The following L2HGDH variants were observed in gnomAD, a reference collection of about 807,000 sequenced individuals.
The protein encoded by L2HGDH is L-2-hydroxyglutarate dehydrogenase, mitochondrial.
Under a neutral mutation model 51.5 loss-of-function variants are expected in L2HGDH, and 34 were observed. That is an observed-to-expected ratio of 0.66 (90% CI 0.50 to 0.88). The LOEUF is 0.88. L2HGDH is among the 40% of genes least tolerant of loss of function. The pLI is 0.00. For synonymous variants in L2HGDH, 198 were observed against 197.9 expected (o/e 1.00, Z -0.01); for missense variants, 558 against 571.9 (o/e 0.98, Z 0.25).
At chr14:50,269,512 GATAGTGGC>G (rs962502442) in intron 6 of L2HGDH, among the ~76,000 whole-genome samples, 182 bp from the exon 7 acceptor site, 5 of 152,280 alleles carry the variant, frequency 3.3e-5, no homozygotes, top group African/African-American at 9.6e-5. Flanking sequence ...AGAAACTTAG[GATAGTGGC>G]ATGTAAGAGG....
rs145861442 is a variant in L2HGDH, at chr14:50,287,199, A to G, written c.541-3166T>C. ...TCCAAGGACCTGTGATGGTCACCTC[A>G]TCAGGTACAGAGAACAATATCCAGA... On this transcript the variant is annotated intron_variant, in intron 4 of 9. Coordinates refer to ENST00000267436, the MANE Select transcript of L2HGDH (RefSeq NM_024884.3). 2,323 of 985,272 alleles carry G rather than the reference A, an allele frequency of 2.4e-3. 8 individuals carry two copies. The Middle Eastern group carries it at 0.025, about 10-fold the overall frequency. 61.0% of individuals were successfully genotyped at this position (985,272 alleles called of 1,614,324 possible).
intron 3 of L2HGDH, among the ~76,000 whole-genome samples, chr14:50,296,016 G>A (rs1379995080): frequency 2.0e-5 from 3 of 151,950 alleles, no homozygotes; most frequent in Non-Finnish European, 4.4e-5. Context: ...TGGGATTACA[G>A]GCGTGAGCCA....
Position 50,265,394 on chromosome 14 carries a change from T to A in L2HGDH, c.1160A>T (p.Lys387Ile), listed in dbSNP as rs1481231615. Residue 387 changes from lysine (K) to isoleucine (I), a missense_variant, in exon 9 of 10, where the codon AAA becomes ATA. Lys to Ile is a moderately radical substitution (Grantham distance 102). Coordinates refer to ENST00000267436, the MANE Select transcript of L2HGDH (RefSeq NM_024884.3). Reference sequence around the variant, plus strand: ...ACTGATAGTAATTTCAGGGATGAATTTTTGAAGATACTTCACTGTTGCACC... The same window carrying A: ...ACTGATAGTAATTTCAGGGATGAATATTTGAAGATACTTCACTGTTGCACC... The part of the protein sequence containing the change: ...FLGATVKYLQ[K>I]FIPEITISDI... 2 of 1,612,510 alleles carry A rather than the reference T, an allele frequency of 1.2e-6. No homozygotes were observed. Among genetic ancestry groups the A allele is most frequent in the Non-Finnish European group, 1.7e-6 (2 of 1,178,584 alleles).
At chr14:50,272,774 A>G (rs770967008) in intron 6 of L2HGDH, among the ~76,000 whole-genome samples, 7 of 152,198 alleles carry the variant, frequency 4.6e-5, no homozygotes, top group Non-Finnish European at 8.8e-5. Context: ...TTGAAGAGGC[A>G]AGTGGTTCAA....
chr14:50,285,445 CTTCT>C (rs1425979208), intron 4 of L2HGDH, among the ~76,000 whole-genome samples: 2 of 152,170 alleles, frequency 1.3e-5, no homozygotes, highest in Non-Finnish European at 2.9e-5. Context: ...GAAATCATTC[CTTCT>C]GTTTTGATAC....
At chr14:50,290,672 A>AT (rs1003262959) in intron 4 of L2HGDH, among the ~76,000 whole-genome samples, 29 of 149,614 alleles carry the variant, frequency 1.9e-4, no homozygotes, top group Admixed American at 1.3e-3. Flanking sequence ...AATTTCATAT[A>AT]TTTTTTTTTG....
intron 9 of L2HGDH, among the ~76,000 whole-genome samples, chr14:50,247,887 T>C (rs541662169): frequency 6.6e-6 from 1 of 152,122 alleles, no homozygotes; most frequent in Non-Finnish European, 1.5e-5. Context: ...GTTAATAAAA[T>C]GAGAGTCTTT....
At chr14:50,252,080 T>C (rs1888390080) in intron 9 of L2HGDH, among the ~76,000 whole-genome samples, 1 of 149,524 alleles carries the variant, frequency 6.7e-6, no homozygotes, top group South Asian at 2.1e-4. Context: ...ACACAGACAG[T>C]ACAATAAGAT....
At chr14:50,254,836 T>A (rs949308231) in intron 9 of L2HGDH, among the ~76,000 whole-genome samples, 1 of 151,718 alleles carries the variant, frequency 6.6e-6, no homozygotes. Flanking sequence ...CACAGGAGTT[T>A]GAGACCAGCC....
Position 50,245,791 on chromosome 14 carries a change from C to T in L2HGDH, c.*1267G>A, listed in dbSNP as rs1014504067. 2 of 985,244 alleles carry T rather than the reference C, an allele frequency of 2.0e-6. No individual in the cohort carries two copies. Among genetic ancestry groups the T allele is most frequent in the Non-Finnish European group, 2.4e-6 (2 of 829,916 alleles). 61.0% of individuals were successfully genotyped at this position (985,244 alleles called of 1,614,324 possible). A position where few individuals can be genotyped will look rare whatever the true frequency, so the allele number is the denominator to read the frequency against. On this transcript the variant is annotated 3_prime_UTR_variant, in exon 10 of 10. Transcript: ENST00000267436. ...AAACTCTTAAAAAGCCAAATCTTCT[C>T]TAGGTCATGGTTGGTAAGGACAGGT...
rs1341392772 is a variant in L2HGDH, at chr14:50,302,114, T to C, written c.311A>G (p.Lys104Arg). 6.2e-7 allele frequency: 1 copy of C among 1,613,940 alleles called. No individual in the cohort carries two copies. Among genetic ancestry groups the C allele is most frequent in the African/African-American group, 1.3e-5 (1 of 74,874 alleles). ...TAATTTGGCTTTCAGAGACTCAGGT[T>C]TATAATAAATTCCACTATGTATGAC... ...SGVIHSGIYY[K>R]PESLKAKLCV... The change falls in exon 3 of 10, where the codon AAA becomes AGA. Residue 104 changes from lysine (K) to arginine (R), a missense_variant. Coordinates refer to ENST00000267436, the MANE Select transcript of L2HGDH (RefSeq NM_024884.3).
chr14:50,266,007 A>C (rs535504304), intron 8 of L2HGDH, among the ~76,000 whole-genome samples: 19 of 152,132 alleles, frequency 1.2e-4, no homozygotes, highest in Admixed American at 6.5e-4. Flanking sequence ...AGAGCTGGGC[A>C]TGGTGGTGTG....
intron 9 of L2HGDH, among the ~76,000 whole-genome samples, chr14:50,251,591 G>T (rs1888355042): frequency 6.6e-6 from 1 of 151,948 alleles, no homozygotes. Flanking sequence ...ACTCCCAAAG[G>T]TCAAGGATAA....
chr14:50,301,835 T>G (rs1238683167), intron 3 of L2HGDH, among the ~76,000 whole-genome samples, 182 bp downstream of exon 3: 2 of 152,192 alleles, frequency 1.3e-5, no homozygotes, highest in African/African-American at 4.8e-5. Flanking sequence ...TATATGTCAA[T>G]AAAACTTTTA....
chr14:50,293,070 G>A (rs183789968), intron 4 of L2HGDH: 21 of 574,946 alleles, frequency 3.7e-5, no homozygotes, highest in East Asian at 8.6e-5. Flanking sequence ...CTGTGATCAC[G>A]TCACTGCACT....
chr14:50,310,234 A>C (rs985494789), intron 1 of L2HGDH, among the ~76,000 whole-genome samples: 1 of 151,328 alleles, frequency 6.6e-6, no homozygotes, highest in Non-Finnish European at 1.5e-5. Flanking sequence ...CTGTTTATTT[A>C]TTTTTATTTT....
At chr14:50,302,717 G>A (rs1055908994) in intron 2 of L2HGDH, among the ~76,000 whole-genome samples, 185 bp downstream of exon 2, 8 of 151,916 alleles carry the variant, frequency 5.3e-5, no homozygotes, top group Admixed American at 1.3e-4. Flanking sequence ...CTATAGACAC[G>A]TCCTCCTTGT....
At chr14:50,296,562 AAC>A (rs1333008358) in intron 3 of L2HGDH, among the ~76,000 whole-genome samples, 1 of 150,710 alleles carries the variant, frequency 6.6e-6, no homozygotes, top group Non-Finnish European at 1.5e-5. Flanking sequence ...ATAAACCTAT[AAC>A]ACATGAAGTG....
chr14:50,242,596 G>A lies in L2HGDH; in HGVS notation c.*4462C>T, dbSNP rs1021116353. The A allele has an allele frequency of 2.5e-5, 25 of 984,590 alleles. No homozygotes were observed. Among genetic ancestry groups the A allele is most frequent in the Non-Finnish European group, 2.2e-5 (18 of 829,388 alleles). The allele number at this position is 984,590 out of a possible 1,614,324, so 61.0% of individuals were successfully genotyped here. ...ACTGTTCTTCCCTTCAGGGCTTCAG[G>A]GTTTATTTCCATTCTTAAGCTATTT... On this transcript the variant is annotated 3_prime_UTR_variant, in exon 10 of 10. Coordinates refer to ENST00000267436, the MANE Select transcript of L2HGDH (RefSeq NM_024884.3).
Sources: gnomAD v4.1 joint callset for allele counts (sites outside exome capture counted in the v4.1 genomes callset) on GRCh38, gnomAD v4.1.1 for gene constraint, MANE v1.5 for transcripts, NCBI Gene and HGNC (gene_info 2026-07-23, HGNC 2026-07-21) for gene names.